The following KIAA1217 variants were observed in gnomAD, a reference collection of about 807,000 sequenced individuals.
KIAA1217 encodes the protein KIAA1217, also known as sickle tail protein homolog.
Under a neutral mutation model 163.9 loss-of-function variants are expected in KIAA1217, and 88 were observed. The ratio of observed to expected loss-of-function variants is 0.54; its 90% CI spans 0.45 to 0.64. KIAA1217 has a LOEUF of 0.64. KIAA1217 is among the 30% of genes least tolerant of loss of function. The pLI is 0.00. For synonymous variants in KIAA1217, 903 were observed against 923.1 expected (o/e 0.98, Z 0.39); for missense variants, 2,372 against 2,475.0 (o/e 0.96, Z 0.88).
At chr10:24,253,741 A>T (rs1295715671) in intron 2 of KIAA1217, among the ~76,000 whole-genome samples, 1 of 151,442 alleles carries the variant, frequency 6.6e-6, no homozygotes, top group Non-Finnish European at 1.5e-5. Context: ...CCAAAGAAAA[A>T]AAAAAAAGAA....
intron 1 of KIAA1217, among the ~76,000 whole-genome samples, chr10:23,936,686 C>T (rs57143860): frequency 6.6e-6 from 1 of 152,014 alleles, no homozygotes; most frequent in African/African-American, 2.4e-5. Flanking sequence ...TTCCCTGGAG[C>T]TTTCAGAGGC....
intron 2 of KIAA1217, among the ~76,000 whole-genome samples, chr10:24,201,722 G>C (rs2067264889): frequency 1.3e-5 from 2 of 152,092 alleles, no homozygotes; most frequent in African/African-American, 4.8e-5. Context: ...CTTCAATTCT[G>C]TGGACTGAGG....
In KIAA1217 at chr10:23,773,856, T is replaced by G. The variant is rs1051350096; in HGVS notation, c.-321+78622T>G. ...GTTGCTTATCAGCTTAAGGAGATTTTGGGCTGAGACAATGGGGTTTTCTAG... is the reference window on the plus strand; with the variant it reads ...GTTGCTTATCAGCTTAAGGAGATTTGGGGCTGAGACAATGGGGTTTTCTAG... On this transcript the variant is annotated intron_variant, in intron 1 of 18. Transcript: ENST00000376462. Among the ~76,000 whole-genome samples the G allele has an allele frequency of 8.0e-4, 122 of 152,276 alleles. 2 individuals carry two copies. The highest frequency in any genetic ancestry group is 2.9e-5 in the Non-Finnish European group (2 of 68,022).
chr10:23,967,496 C>G (rs182087913), intron 1 of KIAA1217, among the ~76,000 whole-genome samples: 5 of 151,862 alleles, frequency 3.3e-5, no homozygotes, highest in Non-Finnish European at 5.9e-5. Flanking sequence ...ATACAAATGG[C>G]CAATACATAA....
intron 2 of KIAA1217, among the ~76,000 whole-genome samples, chr10:24,200,541 G>T (rs1478640506): frequency 6.6e-6 from 1 of 152,142 alleles, no homozygotes; most frequent in African/African-American, 2.4e-5. Flanking sequence ...GCCTGCATCT[G>T]GGGTGACCAA....
chr10:24,453,265 ACTAT>A (rs1379252654), intron 5 of KIAA1217, among the ~76,000 whole-genome samples: 1 of 130,202 alleles, frequency 7.7e-6, no homozygotes, highest in Non-Finnish European at 1.8e-5. Context: ...TATCTATTTG[ACTAT>A]CTATTTGACT....
chr10:23,804,141 C>G (rs1289053028), intron 1 of KIAA1217, among the ~76,000 whole-genome samples: 1 of 152,142 alleles, frequency 6.6e-6, no homozygotes, highest in Non-Finnish European at 1.5e-5. Flanking sequence ...CCATCTAGAT[C>G]ATGTTTTCAA....
Position 24,546,434 on chromosome 10 carries a change from T to C in KIAA1217, c.*110T>C. On this transcript the variant is annotated 3_prime_UTR_variant, in exon 21 of 21. Transcript: ENST00000376454. ...ACATATTGCTGTATCGTTTGAGGCT[T>C]AATGCTAAATATGTGCTAAATACTG... 9.2e-7 allele frequency: 1 copy of C among 1,087,224 alleles called. No homozygotes were observed. The highest frequency in any genetic ancestry group is 1.3e-6 in the Non-Finnish European group (1 of 767,366). The allele number at this position is 1,087,224 out of a possible 1,614,324, so 67.3% of individuals were successfully genotyped here. A position where few individuals can be genotyped will look rare whatever the true frequency, so the allele number is the denominator to read the frequency against.
chr10:24,103,693 A>G (rs1048930520), intron 2 of KIAA1217, among the ~76,000 whole-genome samples: 4 of 152,200 alleles, frequency 2.6e-5, no homozygotes, highest in African/African-American at 9.6e-5. Flanking sequence ...ATGAGATACC[A>G]CCACACACCT....
chr10:24,513,796 A>AC (rs949694737), intron 10 of KIAA1217, among the ~76,000 whole-genome samples: 32 of 151,752 alleles, frequency 2.1e-4, no homozygotes, highest in African/African-American at 7.3e-4. Flanking sequence ...TAAAAAAAAA[A>AC]AAAAAACAGA....
chr10:23,730,975 C>T (rs10828531), intron 1 of KIAA1217, among the ~76,000 whole-genome samples: 33,257 of 152,150 alleles, frequency 0.22, 3,885 homozygotes, highest in Middle Eastern at 0.29. Context: ...AATCTGTCTA[C>T]CTTTTAATTC....
intron 1 of KIAA1217, among the ~76,000 whole-genome samples, chr10:24,006,736 A>G (rs1564605464): frequency 6.6e-6 from 1 of 152,164 alleles, no homozygotes; most frequent in East Asian, 1.9e-4. Context: ...CATGACCATG[A>G]CCATGTCTTG....
chr10:23,697,713 A>AT (rs1836135523), intron 1 of KIAA1217, among the ~76,000 whole-genome samples: 1 of 118,336 alleles, frequency 8.5e-6, no homozygotes, highest in Admixed American at 8.2e-5. Context: ...TACTAAAAAT[A>AT]CAAAAAAAAA....
At chr10:23,945,253 A>G (rs1843969555) in intron 1 of KIAA1217, among the ~76,000 whole-genome samples, 1 of 152,158 alleles carries the variant, frequency 6.6e-6, no homozygotes, top group Non-Finnish European at 1.5e-5. Context: ...GGAGAGGATA[A>G]ACAAACTGTG....
intron 2 of KIAA1217, among the ~76,000 whole-genome samples, chr10:24,240,861 T>G (rs1349591939): frequency 6.6e-6 from 1 of 151,256 alleles, no homozygotes; most frequent in African/African-American, 2.5e-5. Flanking sequence ...TAGTCTTTTT[T>G]TTTTTAAAAA....
At chr10:24,027,899 G>C (rs558014382) in intron 2 of KIAA1217, among the ~76,000 whole-genome samples, 124 of 152,170 alleles carry the variant, frequency 8.1e-4, no homozygotes, top group African/African-American at 2.8e-3. Flanking sequence ...TGGGTGAATA[G>C]ATTGCCTGAG....
Position 24,528,098 on chromosome 10 carries a change from G to C in KIAA1217, c.3061G>C (p.Val1021Leu). The C allele has an allele frequency of 6.2e-7, 1 of 1,614,000 alleles. No homozygotes were observed. The highest frequency in any genetic ancestry group is 1.7e-4 in the Middle Eastern group (1 of 6,056). ...CCCACTGCCAAGGGGAGATGCCCCA[G>C]TGGACAAGGTGGAACTTTCAGGTAA... ...TGPLPRGDAPVDKVELSEDSP... is the reference protein window; with the variant it reads ...TGPLPRGDAPLDKVELSEDSP... The change falls in exon 14 of 21, where the codon GTG becomes CTG. Residue 1021 changes from valine (V) to leucine (L), a missense_variant. Coordinates refer to ENST00000376454, the MANE Select transcript of KIAA1217 (RefSeq NM_019590.5).
At chr10:23,954,183 G>T (rs79150269) in intron 1 of KIAA1217, among the ~76,000 whole-genome samples, 1 of 152,102 alleles carries the variant, frequency 6.6e-6, no homozygotes, top group African/African-American at 2.4e-5. Context: ...TCTTCTTCTA[G>T]TAAGTCAATA....
chr10:24,505,701 T>C (rs2068252664), intron 9 of KIAA1217, among the ~76,000 whole-genome samples: 1 of 152,084 alleles, frequency 6.6e-6, no homozygotes, highest in East Asian at 1.9e-4. Flanking sequence ...TGCTTCCTGA[T>C]AAATAAAAAA....
Sources: gnomAD v4.1 joint callset for allele counts (sites outside exome capture counted in the v4.1 genomes callset) on GRCh38, gnomAD v4.1.1 for gene constraint, MANE v1.5 for transcripts, NCBI Gene and HGNC (gene_info 2026-07-23, HGNC 2026-07-21) for gene names.